Variants in ZFHX3 observed in about 807,000 individuals in gnomAD.
ZFHX3 encodes the protein zinc finger homeobox 3, also known as zinc finger homeobox protein 3.
A neutral mutation model predicts 279.1 loss-of-function variants in ZFHX3; 42 were observed. The observed-to-expected ratio is 0.15, with a 90% CI of 0.12 to 0.19. The LOEUF (loss-of-function observed/expected upper bound fraction) is 0.19, where lower values mean the gene tolerates loss of function less well. Ranked by LOEUF, ZFHX3 falls within the 10% of genes least tolerant of loss-of-function variation. The pLI is 1.00. For synonymous variants in ZFHX3, 2,293 were observed against 1,957.8 expected (o/e 1.17, Z -4.52); for missense variants, 4,981 against 4,754.0 (o/e 1.05, Z -1.40).
At chr16:73,648,175 T>G (rs569896625) in intron 2 of ZFHX3, among the ~76,000 whole-genome samples, 1 of 152,328 alleles carries the variant, frequency 6.6e-6, no homozygotes, top group East Asian at 1.9e-4. Flanking sequence ...TGAGCAAATG[T>G]GCAGGATATA....
At chr16:73,034,180 T>C (rs1462711811) in intron 1 of ZFHX3, among the ~76,000 whole-genome samples, 1 of 151,958 alleles carries the variant, frequency 6.6e-6, no homozygotes, top group African/African-American at 2.4e-5. Context: ...GTTTCTGAGT[T>C]TTCCATGTCA....
In ZFHX3 at chr16:73,146,666, T is replaced by TA. The variant is rs1966864973; in HGVS notation, c.-1103-2836dup. Among the ~76,000 whole-genome samples, 3 of 151,974 alleles carry TA rather than the reference T, an allele frequency of 2.0e-5. No individual in the cohort carries two copies. In the South Asian group the frequency reaches 6.2e-4, roughly 32 times the overall value. The stretch of plus-strand genomic sequence containing the variant: ...TCTTTCTTTTTATTTTTTAATTAAT[T>TA]ATTATTATTATTTTTTGAGACAGTG... On this transcript the variant is annotated intron_variant, in intron 5 of 17. Coordinates refer to the ZFHX3 transcript ENST00000641206.
rs1319290515 is a variant in ZFHX3 at position 73,058,393 on chromosome 16, G to C, written c.-24+137C>G. 5 of 174,004 alleles carry C rather than the reference G, an allele frequency of 2.9e-5. 1 individual carries two copies. The South Asian group carries it at 8.5e-4, about 30-fold the overall frequency. The allele number at this position is 174,004 out of a possible 1,614,324, so 10.8% of individuals were successfully genotyped here. ...GGCGGCCGGGCGCGAGAGCCGGGAGGGGGCAGGACGAGCCCCATGCAAAGC... is the reference window on the plus strand; with the variant it reads ...GGCGGCCGGGCGCGAGAGCCGGGAGCGGGCAGGACGAGCCCCATGCAAAGC... On this transcript the variant is annotated intron_variant, in intron 1 of 8. Transcript: ENST00000397992.
At chr16:73,416,855 CAG>C (rs1476271567) in intron 3 of ZFHX3, among the ~76,000 whole-genome samples, 3 of 151,626 alleles carry the variant, frequency 2.0e-5, no homozygotes, top group Non-Finnish European at 4.4e-5. Context: ...GCCTGGGCGA[CAG>C]AGCGAGACTC....
At chr16:73,623,757 C>G (rs1256241161) in intron 2 of ZFHX3, among the ~76,000 whole-genome samples, 3 of 152,074 alleles carry the variant, frequency 2.0e-5, no homozygotes. Context: ...ATAACATCCC[C>G]CAATCCATGT....
chr16:73,176,239 C>T (rs550108482), intron 5 of ZFHX3, among the ~76,000 whole-genome samples: 11 of 152,258 alleles, frequency 7.2e-5, no homozygotes, highest in African/African-American at 2.2e-4. Context: ...CTAATGACTC[C>T]TCATCTGCCA....
In ZFHX3 at chr16:72,788,134, CGCT is replaced by C. The variant is rs372741038; in HGVS notation, c.10139_10141del (p.Gln3380del). 87 of 1,596,206 alleles carry C rather than the reference CGCT, an allele frequency of 5.5e-5. No individual in the cohort carries two copies. The East Asian group carries it at 5.8e-4, about 11-fold the overall frequency. On this transcript the variant is annotated inframe_deletion, in exon 10 of 10. Coordinates refer to ENST00000268489, the MANE Select transcript of ZFHX3 (RefSeq NM_006885.4). ...TTGCTGCTGCTGCTGCTGTAGTTGCCGCTGCTGCTGCTGCTGAATTGCCTCCTG... is the reference window on the plus strand; with the variant it reads ...TTGCTGCTGCTGCTGCTGTAGTTGCCGCTGCTGCTGCTGAATTGCCTCCTG...
At chr16:73,513,491 G>C (rs1414406700) in intron 2 of ZFHX3, among the ~76,000 whole-genome samples, 1 of 152,072 alleles carries the variant, frequency 6.6e-6, no homozygotes, top group Non-Finnish European at 1.5e-5. Flanking sequence ...AAATAACTTG[G>C]GGCTGGTTTA....
chr16:73,159,194 A>G (rs1967167423), intron 5 of ZFHX3, among the ~76,000 whole-genome samples: 1 of 152,248 alleles, frequency 6.6e-6, no homozygotes, highest in African/African-American at 2.4e-5. Flanking sequence ...ACAAAGATCT[A>G]ATATCCAGCA....
At chr16:72,955,776 C>CAAAAAAAA (rs11441187) in intron 2 of ZFHX3, among the ~76,000 whole-genome samples, 1 of 106,180 alleles carries the variant, frequency 9.4e-6, no homozygotes, top group African/African-American at 3.8e-5. Flanking sequence ...GACTCTGTCT[C>CAAAAAAAA]AAAAAAAAAA....
rs147161267 is a variant in ZFHX3, at chr16:72,787,929, C to T, written c.10347G>A (p.Ala3449=). ...PEEPEAESKS[A]DSLYDPFIVP... ...CAATGAAGGGGTCGTAGAGGGAGTC[C>T]GCACTTTTGCTTTCTGCTTCTGGCT... is the stretch of plus-strand genomic sequence containing the variant. Residue 3449 remains alanine, a synonymous_variant, in exon 10 of 10, where the codon GCG becomes GCA. Coordinates refer to ENST00000268489, the MANE Select transcript of ZFHX3 (RefSeq NM_006885.4). 1.5e-4 allele frequency: 249 copies of T among 1,613,946 alleles called. 1 individual carries two copies. The highest frequency in any genetic ancestry group is 1.0e-3 in the South Asian group (92 of 91,048).
intron 4 of ZFHX3, among the ~76,000 whole-genome samples, chr16:73,317,803 G>A (rs62057261): frequency 0.11 from 16,707 of 152,202 alleles, 1,009 homozygotes; most frequent in South Asian, 0.22. Flanking sequence ...GGATAATAAA[G>A]CCAGGTTCAC....
intron 2 of ZFHX3, among the ~76,000 whole-genome samples, chr16:73,544,932 G>T (rs1568144): frequency 0.27 from 41,630 of 151,840 alleles, 7,812 homozygotes; most frequent in African/African-American, 0.53. Flanking sequence ...AAGTCAATGG[G>T]GGAGGACGAT....
chr16:73,695,740 G>A (rs1380392436), intron 1 of ZFHX3, among the ~76,000 whole-genome samples: 3 of 152,122 alleles, frequency 2.0e-5, no homozygotes, highest in Non-Finnish European at 1.5e-5. Flanking sequence ...GTGAAGCTCC[G>A]AATACAGGGC....
chr16:73,065,368 C>G (rs1313546003), intron 8 of ZFHX3, among the ~76,000 whole-genome samples: 1 of 152,138 alleles, frequency 6.6e-6, no homozygotes, highest in African/African-American at 2.4e-5. Context: ...AATTGAGTGC[C>G]TCTTACCCAC....
At chr16:72,931,538 C>A (rs116399277) in intron 3 of ZFHX3, among the ~76,000 whole-genome samples, 1 of 144,454 alleles carries the variant, frequency 6.9e-6, no homozygotes, top group Admixed American at 7.0e-5. Flanking sequence ...TCCAACGTAC[C>A]GACAGGGAAG....
intron 1 of ZFHX3, among the ~76,000 whole-genome samples, chr16:73,687,846 CAAAAAA>C (rs535371406): frequency 3.1e-5 from 2 of 63,928 alleles, no homozygotes; most frequent in African/African-American, 5.5e-5. Flanking sequence ...GACTCTGTCT[CAAAAAA>C]AAAAAAAAAA....
At chr16:72,866,578 A>G (rs1013090707) in intron 4 of ZFHX3, among the ~76,000 whole-genome samples, 2 of 152,236 alleles carry the variant, frequency 1.3e-5, no homozygotes, top group African/African-American at 4.8e-5. Flanking sequence ...CTAAACTCCT[A>G]TGTGACTTAT....
At chr16:72,982,652 T>C (rs748488519) in intron 1 of ZFHX3, among the ~76,000 whole-genome samples, 49 of 152,128 alleles carry the variant, frequency 3.2e-4, no homozygotes, top group Non-Finnish European at 5.1e-4. Context: ...TGGCAAGACA[T>C]TAAGTCGTAA....
Sources: allele counts gnomAD v4.1 joint callset (sites outside exome capture counted in the v4.1 genomes callset), GRCh38; gene constraint gnomAD v4.1.1; transcripts MANE v1.5; gene names NCBI Gene and HGNC (gene_info 2026-07-23, HGNC 2026-07-21).